SPINK14: variants seen among roughly 807,000 people sequenced by gnomAD.
SPINK14 encodes the protein serine peptidase inhibitor Kazal type 14 (putative).
In SPINK14, 6 loss-of-function variants were observed where a neutral mutation model predicts 14.2. That is an observed-to-expected ratio of 0.42 (90% CI 0.23 to 0.83). The LOEUF (loss-of-function observed/expected upper bound fraction) is 0.83. Ranked by LOEUF, SPINK14 falls within the 40% of genes least tolerant of loss-of-function variation. SPINK14 has a pLI of 0.28. For synonymous variants in SPINK14, 34 were observed against 36.8 expected (o/e 0.92, Z 0.27); for missense variants, 86 against 108.3 (o/e 0.79, Z 0.91).
chr5:148,172,005 A>T (rs1257874433), intron 3 of SPINK14, among the ~76,000 whole-genome samples: 1 of 152,188 alleles, frequency 6.6e-6, no homozygotes, highest in Non-Finnish European at 1.5e-5. Context: ...CCTAAGATAC[A>T]CTATTGAGGA....
At chr5:148,171,722 G>T (rs1755107791) in intron 3 of SPINK14, among the ~76,000 whole-genome samples, 1 of 152,066 alleles carries the variant, frequency 6.6e-6, no homozygotes, top group Admixed American at 6.6e-5. Context: ...TGAGTTGACT[G>T]CTGAGAAAGA....
intron 2 of SPINK14, 60 bp downstream of exon 2, chr5:148,169,859 T>C (rs1755077205): frequency 1.4e-6 from 2 of 1,379,392 alleles, no homozygotes; most frequent in Non-Finnish European, 2.0e-6. Flanking sequence ...TTTTACATCA[T>C]AATCTGAGAG....
rs138879514 is a variant in SPINK14 at position 148,172,304 on chromosome 5, A to G, written c.111+1331A>G. On this transcript the variant is annotated intron_variant, in intron 3 of 4. Coordinates refer to ENST00000356972, the MANE Select transcript of SPINK14 (RefSeq NM_001001325.2). The stretch of plus-strand genomic sequence containing the variant: ...AATTGAAGCCCTGTGTGACTGGAGC[A>G]CAGACAGGGAAGAAAAGTGGCGGAT... 3.2e-4 allele frequency among the ~76,000 whole-genome samples: 48 copies of G among 152,256 alleles called. No individual in the cohort carries two copies. In the East Asian group the frequency reaches 8.5e-3, roughly 27 times the overall value.
At position 148,175,461 on chromosome 5, in the gene SPINK14, T is replaced by C; in HGVS notation, c.*63T>C. 1 of 1,212,712 alleles carries C rather than the reference T, an allele frequency of 8.2e-7. No homozygotes were observed. The highest frequency in any genetic ancestry group is 1.3e-5 in the South Asian group (1 of 78,670). The allele number at this position is 1,212,712 out of a possible 1,614,324, so 75.1% of individuals were successfully genotyped here. On this transcript the variant is annotated 3_prime_UTR_variant, in exon 5 of 5. Coordinates refer to ENST00000356972, the MANE Select transcript of SPINK14 (RefSeq NM_001001325.2). ...TTTTCCTCCATGTCTCCAATCTCCC[T>C]CTTGCGCTTTTTACATCTCCTTGCA... is the stretch of plus-strand genomic sequence containing the variant.
At position 148,172,612 on chromosome 5, in the gene SPINK14, G is replaced by C. The variant is rs560049737; in HGVS notation, c.112-1622G>C. Among the ~76,000 whole-genome samples the C allele has an allele frequency of 7.2e-5, 11 of 152,170 alleles. No homozygotes were observed. The South Asian group carries it at 2.3e-3, about 32-fold the overall frequency. On this transcript the variant is annotated intron_variant, in intron 3 of 4. Transcript: ENST00000356972. ...TCCCTTCTGGGCTTATACTCCTTTG[G>C]GGGTGTGGGATTAGTTAAATAATTA... is the stretch of plus-strand genomic sequence containing the variant.
At chr5:148,170,892 G>A (rs371561710) in intron 2 of SPINK14, 38 bp from the exon 3 acceptor site, 113 of 1,569,930 alleles carry the variant, frequency 7.2e-5, no homozygotes, top group Non-Finnish European at 9.5e-5. Flanking sequence ...TGATTTAACA[G>A]GAATTAAATT....
chr5:148,170,212 A>G (rs1166124354), intron 2 of SPINK14, among the ~76,000 whole-genome samples: 3 of 150,604 alleles, frequency 2.0e-5, no homozygotes, highest in Admixed American at 6.7e-5. Context: ...ATATATATAT[A>G]TAGAGAGAGA....
intron 3 of SPINK14, among the ~76,000 whole-genome samples, chr5:148,172,730 T>C (rs2113282494): frequency 6.6e-6 from 1 of 152,258 alleles, no homozygotes; most frequent in East Asian, 1.9e-4. Context: ...AGAAAGTGGG[T>C]TATAACCTGA....
chr5:148,169,613 G>A (rs1423590207), intron 1 of SPINK14, 48 bp from the exon 2 acceptor site: 8 of 688,912 alleles, frequency 1.2e-5, no homozygotes, highest in East Asian at 2.9e-5. Context: ...AGTAGAGATG[G>A]CTCTTCATTG....
At chr5:148,170,739 C>A (rs534118771) in intron 2 of SPINK14, among the ~76,000 whole-genome samples, 191 bp from the exon 3 acceptor site, 9 of 152,168 alleles carry the variant, frequency 5.9e-5, no homozygotes, top group African/African-American at 1.9e-4. Context: ...TAGTCCCCTG[C>A]TGATATCAAT....
chr5:148,170,084 C>CAT (rs1355301964), intron 2 of SPINK14, among the ~76,000 whole-genome samples: 1 of 110,046 alleles, frequency 9.1e-6, no homozygotes, highest in African/African-American at 3.3e-5. Flanking sequence ...TATACATATA[C>CAT]ATATATATAC....
At chr5:148,170,776 T>TA (rs775926043) in intron 2 of SPINK14, among the ~76,000 whole-genome samples, 154 bp from the exon 3 acceptor site, 8 of 152,092 alleles carry the variant, frequency 5.3e-5, no homozygotes, top group Admixed American at 1.3e-4. Flanking sequence ...ATTTCACATT[T>TA]AAAAAAATGA....
At position 148,170,777 on chromosome 5, in the gene SPINK14, A is replaced by T. The variant is rs182830231; in HGVS notation, c.68-153A>T. Among the ~76,000 whole-genome samples the T allele has an allele frequency of 1.0e-3, 155 of 151,640 alleles. No homozygotes were observed. The East Asian group carries it at 0.025, about 25-fold the overall frequency. ...GGAGTAAAAGATTTATTTCACATTT[A>T]AAAAAATGAATGAATACATGTATAA... is the stretch of plus-strand genomic sequence containing the variant. On this transcript the variant is annotated intron_variant, in intron 2 of 4. Transcript: ENST00000356972.
Position 148,174,376 on chromosome 5 carries a change from T to C in SPINK14, c.248+6T>C, listed in dbSNP as rs768076385. On this transcript the variant is annotated splice_donor_region_variant and intron_variant, in intron 4 of 4. Coordinates refer to ENST00000356972, the MANE Select transcript of SPINK14 (RefSeq NM_001001325.2). ...ATTCTGTGTGTTGAGAGCTTGTGAG[T>C]ACTATTTGGGGAAAAGAGGGGAACT... is the stretch of plus-strand genomic sequence containing the variant. 4.1e-5 allele frequency: 45 copies of C among 1,109,004 alleles called. 17 individuals carry two copies. Among genetic ancestry groups the C allele is most frequent in the Non-Finnish European group, 5.2e-5 (42 of 807,432 alleles). The allele number at this position is 1,109,004 out of a possible 1,614,324, so 68.7% of individuals were successfully genotyped here.
chr5:148,174,598 T>C lies in SPINK14; in HGVS notation c.248+228T>C, dbSNP rs370183637. On this transcript the variant is annotated intron_variant, in intron 4 of 4. Coordinates refer to ENST00000356972, the MANE Select transcript of SPINK14 (RefSeq NM_001001325.2). ...CATTCCTCAGGTCCGTTCTGGTATCTGAGCCCTTACATTCCCATATGCCAA... is the reference window on the plus strand; with the variant it reads ...CATTCCTCAGGTCCGTTCTGGTATCCGAGCCCTTACATTCCCATATGCCAA... 5.0e-5 allele frequency among the ~76,000 whole-genome samples: 5 copies of C among 99,294 alleles called. 1 individual carries two copies. The East Asian group carries it at 7.4e-4, about 15-fold the overall frequency. The allele number at this position is 99,294 out of a possible 152,430, so 65.1% of individuals were successfully genotyped here. A position where few individuals can be genotyped will look rare whatever the true frequency, so the allele number is the denominator to read the frequency against.
At chr5:148,169,312 G>T (rs1278699183) in intron 1 of SPINK14, among the ~76,000 whole-genome samples, 1 of 135,508 alleles carries the variant, frequency 7.4e-6, no homozygotes, top group Non-Finnish European at 1.6e-5. Context: ...TGTTGTCTAG[G>T]GACCTCAATA....
At chr5:148,170,475 A>G (rs1437667436) in intron 2 of SPINK14, among the ~76,000 whole-genome samples, 1 of 152,120 alleles carries the variant, frequency 6.6e-6, no homozygotes, top group Non-Finnish European at 1.5e-5. Flanking sequence ...AGGGAGTCAT[A>G]AAGAGGCCTA....
At chr5:148,168,903 G>C (rs767527762) in intron 1 of SPINK14, among the ~76,000 whole-genome samples, 3 of 152,174 alleles carry the variant, frequency 2.0e-5, no homozygotes, top group Non-Finnish European at 4.4e-5. Context: ...GTTGCAGACA[G>C]AGATAAAAGC....
At chr5:148,171,116 C>T (rs768415920) in intron 3 of SPINK14, 143 bp downstream of exon 3, 12 of 738,332 alleles carry the variant, frequency 1.6e-5, no homozygotes, top group Non-Finnish European at 2.3e-5. Flanking sequence ...GGTGGATACA[C>T]TGCTGAAACA....
Sources: allele counts gnomAD v4.1 joint callset (sites outside exome capture counted in the v4.1 genomes callset), GRCh38; gene constraint gnomAD v4.1.1; transcripts MANE v1.5; gene names NCBI Gene and HGNC (gene_info 2026-07-23, HGNC 2026-07-21).